KDM4C: variants seen among roughly 807,000 people sequenced by gnomAD.
KDM4C encodes lysine-specific demethylase 4C.
KDM4C carries 81 observed loss-of-function variants against 129.3 expected under a neutral mutation model. That is an observed-to-expected ratio of 0.63 (90% CI 0.52 to 0.75). KDM4C has a LOEUF of 0.75. KDM4C is among the 30% of genes least tolerant of loss of function. The pLI, the probability that KDM4C is intolerant of heterozygous loss-of-function variation, is 0.00. For missense variants in KDM4C, 1,457 were observed against 1,304.0 expected (o/e 1.12, Z -1.81); for synonymous variants, 573 against 456.1 (o/e 1.26, Z -3.26).
intron 1 of KDM4C, among the ~76,000 whole-genome samples, chr9:6,729,566 A>G (rs1202032483): frequency 7.5e-6 from 1 of 133,900 alleles, no homozygotes; most frequent in African/African-American, 3.2e-5. Flanking sequence ...ACAAATCTCC[A>G]TAACTGATTA....
chr9:7,062,254 C>T (rs967215645), intron 17 of KDM4C, among the ~76,000 whole-genome samples: 3 of 152,164 alleles, frequency 2.0e-5, no homozygotes, highest in Non-Finnish European at 4.4e-5. Context: ...AGGTGTGAAC[C>T]ACTGTGCCCG....
rs906230139 is a variant in KDM4C at position 6,764,182 on chromosome 9, A to G, written c.-18+5979A>G. On this transcript the variant is annotated intron_variant, in intron 1 of 21. Coordinates refer to ENST00000381309, the MANE Select transcript of KDM4C (RefSeq NM_015061.6). ...TGTATTACTCAGAGATTTCTAGAGA[A>G]TGGTAGGAGTACTTACAATAGGCTG... Among the ~76,000 whole-genome samples, 15 of 152,354 alleles carry G rather than the reference A, an allele frequency of 9.8e-5. No individual in the cohort carries two copies. In the East Asian group the frequency reaches 1.3e-3, roughly 14 times the overall value.
intron 12 of KDM4C, among the ~76,000 whole-genome samples, chr9:7,004,795 C>T (rs137924888): frequency 1.3e-5 from 2 of 152,154 alleles, no homozygotes; most frequent in East Asian, 3.8e-4. Flanking sequence ...CTGTTCTAAT[C>T]TGTGTTGTCA....
At chr9:6,976,261 G>A (rs1832893776) in intron 8 of KDM4C, among the ~76,000 whole-genome samples, 1 of 152,096 alleles carries the variant, frequency 6.6e-6, no homozygotes, top group Non-Finnish European at 1.5e-5. Flanking sequence ...CTAACACTTA[G>A]CAGTGCTTTG....
chr9:7,040,677 G>T (rs542985612), intron 15 of KDM4C, among the ~76,000 whole-genome samples: 2 of 151,576 alleles, frequency 1.3e-5, no homozygotes, highest in Non-Finnish European at 2.9e-5. Context: ...TTTTAGGCTG[G>T]CTGCTTTTTC....
At chr9:7,033,858 C>G (rs1243455694) in intron 15 of KDM4C, among the ~76,000 whole-genome samples, 1 of 152,184 alleles carries the variant, frequency 6.6e-6, no homozygotes, top group Non-Finnish European at 1.5e-5. Context: ...ACACACCAGG[C>G]TGTGCTTGCC....
chr9:7,005,173 C>T (rs1563968549), intron 12 of KDM4C, among the ~76,000 whole-genome samples: 2 of 152,164 alleles, frequency 1.3e-5, no homozygotes, highest in Admixed American at 6.5e-5. Flanking sequence ...CAGTGGCTCA[C>T]ACCTGTAATC....
At chr9:6,923,176 A>G (rs1397248403) in intron 8 of KDM4C, among the ~76,000 whole-genome samples, 2 of 151,940 alleles carry the variant, frequency 1.3e-5, no homozygotes, top group African/African-American at 2.4e-5. Context: ...GGCCGAGATT[A>G]TGGTTATACA....
Position 7,165,349 on chromosome 9 carries a change from A to G in KDM4C, c.2893A>G (p.Met965Val), listed in dbSNP as rs762489427. The G allele has an allele frequency of 4.3e-6, 7 of 1,613,842 alleles. No homozygotes were observed. In the East Asian group the frequency reaches 1.1e-4, roughly 26 times the overall value. ...ATATTTTGGATCAAATATTGCCCAC[A>G]TGTACCAGGTGGGTTCTTCCTTCTC... ...AKYFGSNIAHMYQVEFEDGSQ... is the reference protein window; with the variant it reads ...AKYFGSNIAHVYQVEFEDGSQ... Residue 965 changes from methionine to valine, a missense_variant, in exon 20 of 22, where the codon ATG (methionine) becomes GTG (valine). By Grantham distance (21) the Met-to-Val change is conservative. Coordinates refer to ENST00000381309, the MANE Select transcript of KDM4C (RefSeq NM_015061.6).
At chr9:6,954,939 G>T (rs1828803825) in intron 8 of KDM4C, among the ~76,000 whole-genome samples, 3 of 152,184 alleles carry the variant, frequency 2.0e-5, no homozygotes, top group African/African-American at 7.2e-5. Flanking sequence ...TAATTATTTT[G>T]CTTCAGTCTC....
chr9:6,910,866 A>G (rs1819173714), intron 8 of KDM4C, among the ~76,000 whole-genome samples: 1 of 152,238 alleles, frequency 6.6e-6, no homozygotes, highest in Non-Finnish European at 1.5e-5. Context: ...CAGTCATGAT[A>G]TGCTAATTAG....
chr9:6,904,953 A>T (rs1380599409), intron 8 of KDM4C, among the ~76,000 whole-genome samples: 2 of 152,200 alleles, frequency 1.3e-5, no homozygotes, highest in African/African-American at 2.4e-5. Flanking sequence ...GCTACATTAA[A>T]CAAAAAACAA....
intron 3 of KDM4C, among the ~76,000 whole-genome samples, chr9:6,807,805 C>A (rs1251199993): frequency 2.7e-5 from 4 of 145,892 alleles, no homozygotes; most frequent in Admixed American, 2.7e-4. Flanking sequence ...GGGGGGTCAG[C>A]CCCCCGCCCG....
In KDM4C at chr9:7,164,028, G is replaced by T. The variant is rs185078068; in HGVS notation, c.2782-1210G>T. Reference sequence around the variant, plus strand: ...TATTAGTAATAAGAAATAGTACATGGTAGATTTCCAATCATAAACAACTAA... The same window carrying T: ...TATTAGTAATAAGAAATAGTACATGTTAGATTTCCAATCATAAACAACTAA... On this transcript the variant is annotated intron_variant, in intron 19 of 21. Transcript: ENST00000381309. Among the ~76,000 whole-genome samples, 3 of 152,222 alleles carry T rather than the reference G, an allele frequency of 2.0e-5. No homozygotes were observed. The East Asian group carries it at 5.8e-4, about 29-fold the overall frequency.
intron 18 of KDM4C, among the ~76,000 whole-genome samples, chr9:7,113,021 T>C (rs1654005038): frequency 6.6e-6 from 1 of 152,228 alleles, no homozygotes; most frequent in Non-Finnish European, 1.5e-5. Flanking sequence ...TTTTTGTATA[T>C]GATTTGTTTC....
At chr9:7,118,092 G>C (rs1839111484) in intron 18 of KDM4C, among the ~76,000 whole-genome samples, 1 of 152,142 alleles carries the variant, frequency 6.6e-6, no homozygotes, top group African/African-American at 2.4e-5. Flanking sequence ...CACTACCTCC[G>C]AGGTGAGCTC....
At chr9:7,153,539 C>T (rs182247919) in intron 19 of KDM4C, among the ~76,000 whole-genome samples, 1 of 152,304 alleles carries the variant, frequency 6.6e-6, no homozygotes, top group African/African-American at 2.4e-5. Context: ...CATCAATATG[C>T]TCCCTTCTTT....
intron 2 of KDM4C, among the ~76,000 whole-genome samples, chr9:6,793,625 C>T (rs7851230): frequency 0.28 from 41,524 of 150,642 alleles, 6,158 homozygotes; most frequent in South Asian, 0.44. Flanking sequence ...CTGCAATCTC[C>T]ACCTCCCGGG....
At chr9:7,035,783 T>C (rs1409702910) in intron 15 of KDM4C, among the ~76,000 whole-genome samples, 1 of 152,186 alleles carries the variant, frequency 6.6e-6, no homozygotes, top group Non-Finnish European at 1.5e-5. Context: ...TTTGTCCAAA[T>C]CGTATGACTG....
Sources: gnomAD v4.1 joint callset for allele counts (sites outside exome capture counted in the v4.1 genomes callset) on GRCh38, gnomAD v4.1.1 for gene constraint, MANE v1.5 for transcripts, NCBI Gene and HGNC (gene_info 2026-07-23, HGNC 2026-07-21) for gene names.